Variants in HIVEP3 observed in about 807,000 individuals in gnomAD.
HIVEP3 encodes transcription factor HIVEP3.
HIVEP3 carries 49 observed loss-of-function variants against 152.8 expected under a neutral mutation model. The observed-to-expected ratio is 0.32, with a 90% CI of 0.26 to 0.41. HIVEP3 has a LOEUF of 0.41. Ranked by LOEUF, HIVEP3 falls within the 10% of genes least tolerant of loss-of-function variation. HIVEP3 has a pLI of 1.00. For synonymous variants in HIVEP3, 1,269 were observed against 1,289.0 expected (o/e 0.98, Z 0.33); for missense variants, 2,790 against 3,103.3 (o/e 0.90, Z 2.40).
intron 1 of HIVEP3, among the ~76,000 whole-genome samples, chr1:41,702,231 A>ACAG (rs1167387838): frequency 9.2e-5 from 14 of 152,156 alleles, no homozygotes; most frequent in Admixed American, 2.0e-4. Context: ...ACTATCAACA[A>ACAG]CAGCAGCAGC....
chr1:41,943,282 G>A (rs2124486701), intron 1 of HIVEP3, among the ~76,000 whole-genome samples: 1 of 152,304 alleles, frequency 6.6e-6, no homozygotes, highest in South Asian at 2.1e-4. Context: ...ACCTATAGGA[G>A]AAAGGAAAGA....
chr1:41,591,196 C>G (rs916322285), intron 3 of HIVEP3, among the ~76,000 whole-genome samples: 2 of 152,168 alleles, frequency 1.3e-5, no homozygotes, highest in African/African-American at 2.4e-5. Flanking sequence ...TGTCATAAGA[C>G]TGACTGGGGT....
rs150610782 is a variant in HIVEP3 at position 41,759,584 on chromosome 1, T to C, written c.-800-58589A>G. On this transcript the variant is annotated intron_variant, in intron 1 of 8. Transcript: ENST00000372583. ...GGAGTGGAATTGCTGGGTCATATGG[T>C]AACTCTATGTTTAACTTATTCAGGA... Among the ~76,000 whole-genome samples the C allele has an allele frequency of 1.9e-3, 292 of 152,304 alleles. 1 individual carries two copies. The highest frequency in any genetic ancestry group is 6.3e-3 in the African/African-American group (262 of 41,576).
At chr1:41,935,074 C>A (rs890031667) in intron 1 of HIVEP3, among the ~76,000 whole-genome samples, 15 of 152,066 alleles carry the variant, frequency 9.9e-5, no homozygotes, top group Non-Finnish European at 1.0e-4. Flanking sequence ...AAAGGTAAGT[C>A]TTGTCATTAA....
At chr1:41,932,605 G>C (rs550947415) in intron 1 of HIVEP3, among the ~76,000 whole-genome samples, 2 of 151,796 alleles carry the variant, frequency 1.3e-5, no homozygotes, top group African/African-American at 4.8e-5. Context: ...TAATTTTGCT[G>C]ATCTTTCAAA....
At chr1:41,876,605 AC>A (rs1644174891) in intron 1 of HIVEP3, among the ~76,000 whole-genome samples, 1 of 152,136 alleles carries the variant, frequency 6.6e-6, no homozygotes. Flanking sequence ...TTATTACTAA[AC>A]CCAGGTCTCC....
At chr1:41,540,933 A>T (rs959082622) in intron 5 of HIVEP3, among the ~76,000 whole-genome samples, 2 of 152,090 alleles carry the variant, frequency 1.3e-5, no homozygotes, top group Non-Finnish European at 2.9e-5. Flanking sequence ...GCTGGACTCT[A>T]AATGGACACT....
chr1:41,648,627 C>T (rs1318793519), intron 2 of HIVEP3, among the ~76,000 whole-genome samples: 4 of 152,182 alleles, frequency 2.6e-5, no homozygotes, highest in Admixed American at 2.0e-4. Context: ...TGGGATTTGG[C>T]CTAAGATTTT....
chr1:41,904,538 T>C (rs964448073), intron 1 of HIVEP3, among the ~76,000 whole-genome samples: 8 of 152,190 alleles, frequency 5.3e-5, no homozygotes, highest in African/African-American at 1.7e-4. Flanking sequence ...CTTACCGCCA[T>C]GCTTTACACA....
chr1:41,556,441 A>T (rs1185628308), intron 5 of HIVEP3, among the ~76,000 whole-genome samples: 1 of 152,194 alleles, frequency 6.6e-6, no homozygotes, highest in East Asian at 1.9e-4. Flanking sequence ...AGAAATGTCC[A>T]TTCATGCTTT....
rs150907652 is a variant in HIVEP3, at chr1:41,962,282, C to T, written n.120-43758G>A. ...CCCAGATCTCCAGATCAAACCAAAC[C>T]TCAAACCAGAGCTTACTCAGGTCAG... is the stretch of plus-strand genomic sequence containing the variant. On this transcript the variant is annotated intron_variant and non_coding_transcript_variant, in intron 1 of 3. Transcript: ENST00000489103. Among the ~76,000 whole-genome samples the T allele has an allele frequency of 1.4e-3, 208 of 152,306 alleles. 1 individual carries two copies. Among genetic ancestry groups the T allele is most frequent in the African/African-American group, 4.7e-3 (194 of 41,576 alleles).
intron 2 of HIVEP3, among the ~76,000 whole-genome samples, chr1:41,684,176 C>A (rs1646082270): frequency 6.6e-6 from 1 of 152,184 alleles, no homozygotes; most frequent in African/African-American, 2.4e-5. Flanking sequence ...CCCAGGTCTC[C>A]TCACTGTCTG....
At chr1:41,872,980 G>T (rs1644108884) in intron 1 of HIVEP3, among the ~76,000 whole-genome samples, 1 of 152,142 alleles carries the variant, frequency 6.6e-6, no homozygotes, top group African/African-American at 2.4e-5. Flanking sequence ...GATTTATCCT[G>T]AATAACAGAA....
chr1:41,684,077 C>T (rs1024819792), intron 2 of HIVEP3, among the ~76,000 whole-genome samples: 2 of 152,206 alleles, frequency 1.3e-5, no homozygotes, highest in African/African-American at 2.4e-5. Flanking sequence ...CAAGTCTGCT[C>T]TTTTGACAAA....
intron 1 of HIVEP3, among the ~76,000 whole-genome samples, chr1:41,931,072 CT>C (rs1192170553): frequency 2.6e-5 from 4 of 151,994 alleles, no homozygotes; most frequent in Non-Finnish European, 5.9e-5. Context: ...TGTGGCTTGT[CT>C]TTTTATTCCC....
At chr1:41,905,908 A>G (rs558974936) in intron 1 of HIVEP3, among the ~76,000 whole-genome samples, 1 of 152,304 alleles carries the variant, frequency 6.6e-6, no homozygotes, top group South Asian at 2.1e-4. Flanking sequence ...TTCACCTAGG[A>G]GAGCTGAGGA....
chr1:41,851,537 G>A (rs374123880), intron 1 of HIVEP3, among the ~76,000 whole-genome samples: 4 of 152,114 alleles, frequency 2.6e-5, no homozygotes, highest in South Asian at 2.1e-4. Context: ...TCTTGACCTC[G>A]TGATCTGCCA....
At chr1:41,807,689 C>T (rs1054802233) in intron 1 of HIVEP3, among the ~76,000 whole-genome samples, 2 of 152,132 alleles carry the variant, frequency 1.3e-5, no homozygotes, top group Non-Finnish European at 2.9e-5. Context: ...CATAGCACAG[C>T]GTGGAAAGGG....
chr1:41,927,922 G>A (rs531056413), intron 1 of HIVEP3, among the ~76,000 whole-genome samples: 4 of 151,892 alleles, frequency 2.6e-5, no homozygotes, highest in Non-Finnish European at 4.4e-5. Flanking sequence ...TTAGCCAGGC[G>A]TGGTGACGTG....
Sources: allele counts gnomAD v4.1 joint callset (sites outside exome capture counted in the v4.1 genomes callset), GRCh38; gene constraint gnomAD v4.1.1; transcripts MANE v1.5; gene names NCBI Gene and HGNC (gene_info 2026-07-23, HGNC 2026-07-21).